The following ERC1 variants were observed in gnomAD, a reference collection of about 807,000 sequenced individuals.
ERC1 encodes the protein ELKS/RAB6-interacting/CAST family member 1, also known as RAB6 interacting protein 2.
ERC1 carries 56 observed loss-of-function variants against 132.0 expected under a neutral mutation model. The observed-to-expected ratio is 0.42, with a 90% CI of 0.34 to 0.53. The LOEUF is 0.53. ERC1 is among the 20% of genes least tolerant of loss of function. ERC1 has a pLI of 0.03. For missense variants in ERC1, 1,202 were observed against 1,349.9 expected, an observed-to-expected ratio of 0.89 and a Z score of 1.72; for synonymous variants, 478 against 476.1, an observed-to-expected ratio of 1.00 and a Z score of -0.05.
At chr12:1,075,092 G>A (rs1020699489) in intron 2 of ERC1, among the ~76,000 whole-genome samples, 2 of 151,936 alleles carry the variant, frequency 1.3e-5, no homozygotes, top group Admixed American at 6.6e-5. Flanking sequence ...ATAAGGAGGA[G>A]TAAATTACCT....
chr12:1,454,004 C>G (rs1178804541), intron 18 of ERC1, among the ~76,000 whole-genome samples: 1 of 151,892 alleles, frequency 6.6e-6, no homozygotes, highest in East Asian at 1.9e-4. Context: ...GACTGGTTAC[C>G]AAGGGAACCA....
intron 8 of ERC1, among the ~76,000 whole-genome samples, chr12:1,178,781 C>G (rs940705386): frequency 6.6e-6 from 1 of 152,180 alleles, no homozygotes; most frequent in African/African-American, 2.4e-5. Flanking sequence ...CTGCCCTACA[C>G]TATGTTGATT....
At chr12:1,214,477 A>G (rs1181744939) in intron 12 of ERC1, among the ~76,000 whole-genome samples, 1 of 152,188 alleles carries the variant, frequency 6.6e-6, no homozygotes, top group Non-Finnish European at 1.5e-5. Context: ...CGCTAGAGTT[A>G]GATATAAACA....
intron 16 of ERC1, among the ~76,000 whole-genome samples, chr12:1,378,061 C>T (rs2088158875): frequency 6.6e-6 from 1 of 152,158 alleles, no homozygotes; most frequent in African/African-American, 2.4e-5. Flanking sequence ...AATGTGTCGT[C>T]TTTACCTATC....
chr12:1,241,486 A>C (rs559195929), intron 13 of ERC1, among the ~76,000 whole-genome samples: 1 of 152,224 alleles, frequency 6.6e-6, no homozygotes, highest in South Asian at 2.1e-4. Flanking sequence ...TTTCAAAAAA[A>C]TCTTTTAAAT....
chr12:1,098,201 T>A (rs1944279891), intron 3 of ERC1, among the ~76,000 whole-genome samples: 1 of 152,250 alleles, frequency 6.6e-6, no homozygotes, highest in Non-Finnish European at 1.5e-5. Context: ...TTGCTTGTTA[T>A]CCAGGGTCTG....
intron 2 of ERC1, among the ~76,000 whole-genome samples, chr12:1,029,168 G>A (rs1198392424): frequency 7.9e-5 from 12 of 151,956 alleles, no homozygotes; most frequent in African/African-American, 2.2e-4. Context: ...GCCTGGCGAC[G>A]TGGTGAAACC....
intron 13 of ERC1, among the ~76,000 whole-genome samples, chr12:1,247,859 G>T (rs2076249678): frequency 6.6e-6 from 1 of 152,162 alleles, no homozygotes; most frequent in African/African-American, 2.4e-5. Context: ...AGCCGGGTGT[G>T]GTGGCACATG....
intron 16 of ERC1, among the ~76,000 whole-genome samples, chr12:1,389,758 A>G (rs1362398603): frequency 6.6e-6 from 1 of 152,244 alleles, no homozygotes; most frequent in Non-Finnish European, 1.5e-5. Flanking sequence ...GTTAACATAA[A>G]TGTAGTCTTG....
chr12:1,285,991 A>C (rs2079017604), intron 14 of ERC1, among the ~76,000 whole-genome samples: 1 of 152,186 alleles, frequency 6.6e-6, no homozygotes, highest in South Asian at 2.1e-4. Context: ...AACAGTAGAA[A>C]ACTACTGTAA....
At chr12:1,207,360 C>G (rs1957439485) in intron 12 of ERC1, among the ~76,000 whole-genome samples, 2 of 152,034 alleles carry the variant, frequency 1.3e-5, no homozygotes, top group Admixed American at 1.3e-4. Flanking sequence ...CCCATAAAAT[C>G]TATTTACAAG....
At chr12:1,484,262 A>G (rs61912164) in intron 18 of ERC1, among the ~76,000 whole-genome samples, 5,056 of 151,580 alleles carry the variant, frequency 0.033, 148 homozygotes, top group Non-Finnish European at 0.043. Flanking sequence ...CCGAGATCGC[A>G]CCACTGCACT....
At chr12:1,328,047 T>A (rs537396130) in intron 15 of ERC1, among the ~76,000 whole-genome samples, 1 of 152,318 alleles carries the variant, frequency 6.6e-6, no homozygotes, top group African/African-American at 2.4e-5. Context: ...ACTTTGTTTT[T>A]GCAACAGCAT....
upstream of ERC1, chr12:991,103 CGGGAGGCTGAGGGAAA>C (rs1190379560): frequency 6.6e-6 from 1 of 151,488 alleles, no homozygotes; most frequent in South Asian, 1.9e-4. Flanking sequence ...GTCACGCTCC[CGGGAGGCTGAGGGAAA>C]GGGAGGCAGC....
At chr12:1,418,980 C>T (rs1286669712) in intron 17 of ERC1, among the ~76,000 whole-genome samples, 5 of 152,066 alleles carry the variant, frequency 3.3e-5, no homozygotes, top group Non-Finnish European at 7.4e-5. Flanking sequence ...TCCCAAAGTT[C>T]TGTGATTACA....
At chr12:1,401,188 C>G (rs2091036036) in intron 16 of ERC1, among the ~76,000 whole-genome samples, 1 of 152,012 alleles carries the variant, frequency 6.6e-6, no homozygotes, top group Non-Finnish European at 1.5e-5. Context: ...CCCGTCTCAG[C>G]CTTCCAAAGT....
intron 8 of ERC1, among the ~76,000 whole-genome samples, chr12:1,142,630 G>A (rs1286300890): frequency 6.6e-6 from 1 of 152,182 alleles, no homozygotes; most frequent in Non-Finnish European, 1.5e-5. Context: ...CCACATACTT[G>A]TCTGCAGAGT....
intron 2 of ERC1, among the ~76,000 whole-genome samples, chr12:1,058,797 T>TTG (rs1555220579): frequency 6.7e-6 from 1 of 150,170 alleles, no homozygotes; most frequent in African/African-American, 2.4e-5. Flanking sequence ...ATGTTTTTTT[T>TTG]TTTTTTTTTT....
intron 16 of ERC1, among the ~76,000 whole-genome samples, chr12:1,402,614 A>AACACACACACAAACACACACACC (rs2091166373): frequency 6.9e-6 from 1 of 144,896 alleles, no homozygotes; most frequent in African/African-American, 2.6e-5. Flanking sequence ...TGTAACCCCC[A>AACACACACACAAACACACACACC]ACACACACAC....
Sources: allele counts gnomAD v4.1 joint callset (sites outside exome capture counted in the v4.1 genomes callset), GRCh38; gene constraint gnomAD v4.1.1; transcripts MANE v1.5; gene names NCBI Gene and HGNC (gene_info 2026-07-23, HGNC 2026-07-21).